Variants in MARCO observed in about 807,000 individuals in gnomAD.
MARCO encodes the protein macrophage receptor with collagenous structure.
MARCO carries 72 observed loss-of-function variants against 70.0 expected under a neutral mutation model. That is an observed-to-expected ratio of 1.03 (90% confidence interval 0.85 to 1.25). MARCO has a LOEUF of 1.25. Among genes scored for constraint, MARCO ranks in the 50% most tolerant of loss-of-function variants. The pLI is 0.00. For missense variants in MARCO, 696 were observed against 659.3 expected (o/e 1.06, Z -0.61); for synonymous variants, 273 against 243.1 (o/e 1.12, Z -1.14).
intron 6 of MARCO, among the ~76,000 whole-genome samples, chr2:118,975,013 G>A (rs1680253555): frequency 6.6e-6 from 1 of 152,194 alleles, no homozygotes; most frequent in Non-Finnish European, 1.5e-5. Flanking sequence ...TGTGATTGGG[G>A]ATGAGAGGGC....
At chr2:118,957,550 T>C (rs1185421244) in intron 1 of MARCO, among the ~76,000 whole-genome samples, 1 of 152,014 alleles carries the variant, frequency 6.6e-6, no homozygotes. Flanking sequence ...ACCAGACAGA[T>C]TCACAGCAGA....
chr2:118,981,475 G>A lies in MARCO; in HGVS notation c.833G>A (p.Ser278Asn). 6.2e-7 allele frequency: 1 copy of A among 1,600,712 alleles called. No homozygotes were observed. ...GVMGPPGAQG[S>N]KGDFGRPGPP... is the part of the protein sequence containing the mutation. The stretch of plus-strand genomic sequence containing the variant: ...ATGGGGCCTCCTGGAGCCCAGGGGA[G>A]TAAAGGTGACTTCGGGAGGCCAGGC... Residue 278 changes from serine (S) to asparagine (N), a missense_variant, in exon 9 of 17, where the codon AGT becomes AAT. Transcript: ENST00000327097.
Position 118,984,159 on chromosome 2 carries a change from C to T in MARCO, c.1063+1749C>T, listed in dbSNP as rs539940366. Among the ~76,000 whole-genome samples, 3 of 152,308 alleles carry T rather than the reference C, an allele frequency of 2.0e-5. No homozygotes were observed. In the East Asian group the frequency reaches 5.8e-4, roughly 29 times the overall value. Reference sequence around the variant, plus strand: ...TCTATCATGAGTTCTCCCTCCCCAGCCCCACAATCAGGGTGTGCTGATGAG... The same window carrying T: ...TCTATCATGAGTTCTCCCTCCCCAGTCCCACAATCAGGGTGTGCTGATGAG... On this transcript the variant is annotated intron_variant, in intron 12 of 16. Transcript: ENST00000327097.
At chr2:118,967,229 G>A (rs954247840) in intron 1 of MARCO, among the ~76,000 whole-genome samples, 12 of 152,212 alleles carry the variant, frequency 7.9e-5, no homozygotes, top group Admixed American at 2.6e-4. Context: ...GAAGCAGGAC[G>A]GGCTCTACTG....
intron 1 of MARCO, among the ~76,000 whole-genome samples, chr2:118,951,034 A>G (rs1679712802): frequency 6.6e-6 from 1 of 152,132 alleles, no homozygotes; most frequent in South Asian, 2.1e-4. Context: ...GCTATAGATG[A>G]CTCCTTCCTG....
At chr2:118,992,936 G>A (rs1680649763) in intron 15 of MARCO, 188 bp from the exon 16 acceptor site, 1 of 591,828 alleles carries the variant, frequency 1.7e-6, no homozygotes, top group Non-Finnish European at 3.0e-6. Context: ...CAGGCCCCAG[G>A]TGCATGGAGG....
chr2:118,948,335 TGATACCC>T (rs1679644440), intron 1 of MARCO, among the ~76,000 whole-genome samples: 3 of 152,224 alleles, frequency 2.0e-5, no homozygotes, highest in African/African-American at 7.2e-5. Context: ...AATCTTAAAC[TGATACCC>T]GATTTGCTAA....
chr2:118,957,049 G>C (rs1165688458), intron 1 of MARCO, among the ~76,000 whole-genome samples: 3 of 151,842 alleles, frequency 2.0e-5, no homozygotes, highest in African/African-American at 7.2e-5. Flanking sequence ...GTCTGAAAGA[G>C]CACAGACAAT....
chr2:118,990,555 C>T (rs760594816), intron 12 of MARCO, 34 bp from the exon 13 acceptor site: 2 of 1,569,266 alleles, frequency 1.3e-6, no homozygotes, highest in Non-Finnish European at 1.7e-6. Context: ...GTTTTATTAT[C>T]TCCTCCCCCC....
At chr2:118,951,327 G>A (rs1412394572) in intron 1 of MARCO, among the ~76,000 whole-genome samples, 2 of 152,220 alleles carry the variant, frequency 1.3e-5, no homozygotes, top group Admixed American at 1.3e-4. Context: ...AACCTACTGA[G>A]TTAAGGGAAT....
chr2:118,962,520 C>T (rs546345993), intron 1 of MARCO, among the ~76,000 whole-genome samples: 25 of 152,020 alleles, frequency 1.6e-4, no homozygotes, highest in Admixed American at 1.6e-3. Flanking sequence ...CTCTGCTTGC[C>T]TTTTACTGAA....
intron 15 of MARCO, among the ~76,000 whole-genome samples, chr2:118,992,724 TCTCC>T (rs1316841370): frequency 1.3e-5 from 2 of 151,148 alleles, no homozygotes; most frequent in African/African-American, 2.4e-5. Context: ...TCCTTTTCTC[TCTCC>T]CTCCCTCCCT....
intron 12 of MARCO, among the ~76,000 whole-genome samples, chr2:118,986,354 A>T (rs1201580389): frequency 7.7e-6 from 1 of 130,634 alleles, no homozygotes; most frequent in African/African-American, 3.9e-5. Flanking sequence ...TCTCTACAAA[A>T]CATAAAAAAA....
chr2:118,953,384 CT>C (rs1363233377), intron 1 of MARCO, among the ~76,000 whole-genome samples: 1 of 152,168 alleles, frequency 6.6e-6, no homozygotes, highest in African/African-American at 2.4e-5. Flanking sequence ...GAAGAGGAAA[CT>C]TTTTACTTTC....
chr2:118,945,547 G>T (rs1240411670), intron 1 of MARCO, among the ~76,000 whole-genome samples: 1 of 151,738 alleles, frequency 6.6e-6, no homozygotes, highest in Non-Finnish European at 1.5e-5. Context: ...CTAGTAGCTG[G>T]GATTACAGGT....
In MARCO at chr2:118,977,828, G is replaced by A. The variant is rs1406598390; in HGVS notation, c.659G>A (p.Gly220Asp). Residue 220 changes from glycine to aspartate, a missense_variant and splice_region_variant, in exon 8 of 17, where the codon GGC (glycine) becomes GAC (aspartate). By Grantham distance (94) the Gly-to-Asp change is moderately conservative. Coordinates refer to ENST00000327097, the MANE Select transcript of MARCO (RefSeq NM_006770.4). ...ATCTCACCAGCCATTCTCTTTGCAG[G>A]CACCCCAGGACCCCAAGGAGAGAAG... ...QGAPGKQGAT[G>D]TPGPQGEKGS... 6.2e-7 allele frequency: 1 copy of A among 1,609,644 alleles called. No individual in the cohort carries two copies. Among genetic ancestry groups the A allele is most frequent in the East Asian group, 2.2e-5 (1 of 44,764 alleles).
intron 1 of MARCO, among the ~76,000 whole-genome samples, chr2:118,947,601 C>T (rs780546946): frequency 3.8e-4 from 52 of 136,844 alleles, no homozygotes; most frequent in Non-Finnish European, 6.6e-4. Context: ...CTATCCTTTC[C>T]CTGTTGAATT....
intron 12 of MARCO, among the ~76,000 whole-genome samples, chr2:118,986,677 GAAAGAAAGAAAGAAA>G (rs1558671792): frequency 1.3e-3 from 55 of 40,876 alleles, no homozygotes; most frequent in Middle Eastern, 0.011. Flanking sequence ...AGGAAGGAAA[GAAAGAAAGAAAGAAA>G]GAAAGAAAGA....
At chr2:118,955,932 C>T (rs1837289) in intron 1 of MARCO, among the ~76,000 whole-genome samples, 28,009 of 152,130 alleles carry the variant, frequency 0.18, 3,402 homozygotes, top group African/African-American at 0.33. Flanking sequence ...CAAGCCACCA[C>T]AACAAGAACT....
Sources: allele counts gnomAD v4.1 joint callset (sites outside exome capture counted in the v4.1 genomes callset), GRCh38; gene constraint gnomAD v4.1.1; transcripts MANE v1.5; gene names NCBI Gene and HGNC (gene_info 2026-07-23, HGNC 2026-07-21).